COMMD10: variants seen among roughly 807,000 people sequenced by gnomAD.
The protein encoded by COMMD10 is COMM domain containing 10.
Under a neutral mutation model 28.9 loss-of-function variants are expected in COMMD10, and 33 were observed. That is an observed-to-expected ratio of 1.14 (90% CI 0.87 to 1.53). The LOEUF (loss-of-function observed/expected upper bound fraction) is 1.53. COMMD10 is among the 40% of genes most tolerant of loss of function. The pLI is 0.00. For synonymous variants in COMMD10, 110 were observed against 81.7 expected (o/e 1.35, Z -1.87); for missense variants, 310 against 233.4 (o/e 1.33, Z -2.14).
rs187610106 is a variant in COMMD10, at chr5:116,203,717, C to T, written c.510+69539C>T. On this transcript the variant is annotated intron_variant, in intron 5 of 6. Coordinates refer to ENST00000274458, the MANE Select transcript of COMMD10 (RefSeq NM_016144.4). ...AGAGATTTTGTCACCACCAGGCCTG[C>T]CCTAAAAGAGCTCCTGAAGGAAGCA... Among the ~76,000 whole-genome samples, 1,122 of 152,020 alleles carry T rather than the reference C, an allele frequency of 7.4e-3. 18 individuals are homozygous for T. The highest frequency in any genetic ancestry group is 0.026 in the African/African-American group (1,082 of 41,452).
At chr5:116,183,457 T>C (rs926747090) in intron 5 of COMMD10, among the ~76,000 whole-genome samples, 1 of 152,168 alleles carries the variant, frequency 6.6e-6, no homozygotes, top group East Asian at 1.9e-4. Context: ...ATTTTAAACA[T>C]ATTTTTCAGG....
intron 5 of COMMD10, among the ~76,000 whole-genome samples, chr5:116,237,838 TATC>T (rs1242407609): frequency 1.3e-5 from 2 of 152,162 alleles, no homozygotes; most frequent in African/African-American, 4.8e-5. Flanking sequence ...TCTGTACTAA[TATC>T]ATCAACTCCT....
rs150866297 is a variant in COMMD10 at position 116,187,729 on chromosome 5, T to C, written c.510+53551T>C. Among the ~76,000 whole-genome samples the C allele has an allele frequency of 5.3e-5, 8 of 152,218 alleles. 1 individual carries two copies. Among genetic ancestry groups the C allele is most frequent in the African/African-American group, 1.9e-4 (8 of 41,574 alleles). On this transcript the variant is annotated intron_variant, in intron 5 of 6. Transcript: ENST00000274458. ...GTTTAACTGAGTTGAGAAAGCATAG[T>C]ATGGTAATTAAATTCTTTTTTTAAC...
At chr5:116,225,383 A>C (rs527744346) in intron 5 of COMMD10, among the ~76,000 whole-genome samples, 1 of 128,722 alleles carries the variant, frequency 7.8e-6, no homozygotes, top group Non-Finnish European at 1.6e-5. Flanking sequence ...CATATGTAGA[A>C]ATTTCTGGTT....
At chr5:116,181,486 A>G (rs781207689) in intron 5 of COMMD10, among the ~76,000 whole-genome samples, 10 of 150,968 alleles carry the variant, frequency 6.6e-5, no homozygotes, top group Non-Finnish European at 1.2e-4. Flanking sequence ...AAACCTATCT[A>G]CATTATTGCT....
intron 4 of COMMD10, among the ~76,000 whole-genome samples, chr5:116,121,928 A>G (rs1398949207): frequency 6.6e-6 from 1 of 152,150 alleles, no homozygotes; most frequent in Non-Finnish European, 1.5e-5. Context: ...CCCATTCTGT[A>G]GGTTGCCTGT....
At chr5:116,147,770 A>G (rs1421826439) in intron 5 of COMMD10, among the ~76,000 whole-genome samples, 1 of 151,944 alleles carries the variant, frequency 6.6e-6, no homozygotes, top group Non-Finnish European at 1.5e-5. Flanking sequence ...AAATTACACA[A>G]GTAATTTACA....
chr5:116,236,475 G>GC (rs1335455814), intron 5 of COMMD10, among the ~76,000 whole-genome samples: 1 of 138,590 alleles, frequency 7.2e-6, no homozygotes, highest in Non-Finnish European at 1.5e-5. Flanking sequence ...CTGCACTCTA[G>GC]CCTGGGTGAC....
At chr5:116,116,977 T>G (rs1751261096) in intron 4 of COMMD10, among the ~76,000 whole-genome samples, 1 of 152,228 alleles carries the variant, frequency 6.6e-6, no homozygotes, top group Admixed American at 6.5e-5. Context: ...TCATCCTCAC[T>G]TTTTTATTTC....
At chr5:116,162,997 C>G (rs568372042) in intron 5 of COMMD10, among the ~76,000 whole-genome samples, 84 of 152,180 alleles carry the variant, frequency 5.5e-4, no homozygotes, top group Non-Finnish European at 8.4e-4. Flanking sequence ...TTATACTCCT[C>G]TCTCAGTTTC....
In COMMD10 at chr5:116,232,971, G is replaced by A. The variant is rs372997107; in HGVS notation, c.511-58546G>A. ...AATTCTATGCTCTTACCCTTAAAAG[G>A]ATTCGTCAATTCCGGCTAAATGGTG... On this transcript the variant is annotated intron_variant, in intron 5 of 6. Transcript: ENST00000274458. Among the ~76,000 whole-genome samples, 649 of 152,256 alleles carry A rather than the reference G, an allele frequency of 4.3e-3. 7 individuals are homozygous for A. The highest frequency in any genetic ancestry group is 0.015 in the African/African-American group (617 of 41,548).
At chr5:116,208,110 T>C (rs1748865383) in intron 5 of COMMD10, among the ~76,000 whole-genome samples, 3 of 152,220 alleles carry the variant, frequency 2.0e-5, no homozygotes, top group Middle Eastern at 3.4e-3. Flanking sequence ...TCCTTCTTGC[T>C]GAAATAAATA....
At chr5:116,118,439 G>C (rs982073977) in intron 4 of COMMD10, among the ~76,000 whole-genome samples, 1 of 145,216 alleles carries the variant, frequency 6.9e-6, no homozygotes, top group African/African-American at 2.4e-5. Flanking sequence ...ATGAATGCAT[G>C]TGCAATATTC....
At chr5:116,094,554 CT>C (rs1286134595) in intron 4 of COMMD10, among the ~76,000 whole-genome samples, 1 of 152,110 alleles carries the variant, frequency 6.6e-6, no homozygotes, top group East Asian at 1.9e-4. Flanking sequence ...AAAGGGAACT[CT>C]CATATGCTTT....
chr5:116,154,355 TA>T (rs2112557365), intron 5 of COMMD10, among the ~76,000 whole-genome samples: 1 of 152,298 alleles, frequency 6.6e-6, no homozygotes, highest in Admixed American at 6.5e-5. Context: ...CTGGGTAGTT[TA>T]TTGTTAGTGA....
At chr5:116,127,125 A>G (rs1197588125) in intron 4 of COMMD10, among the ~76,000 whole-genome samples, 1 of 152,236 alleles carries the variant, frequency 6.6e-6, no homozygotes, top group African/African-American at 2.4e-5. Flanking sequence ...GGATATGAAC[A>G]GACACTTCTC....
At chr5:116,240,961 C>G (rs1749792619) in intron 5 of COMMD10, among the ~76,000 whole-genome samples, 1 of 152,102 alleles carries the variant, frequency 6.6e-6, no homozygotes, top group Admixed American at 6.6e-5. Flanking sequence ...TGAGGTAGAT[C>G]CATTTTTTGT....
chr5:116,101,649 A>G (rs1326458772), intron 4 of COMMD10, among the ~76,000 whole-genome samples: 1 of 151,754 alleles, frequency 6.6e-6, no homozygotes, highest in Non-Finnish European at 1.5e-5. Context: ...CTGGTCTCGA[A>G]CTCCTGACCT....
At chr5:116,169,553 C>T (rs1036004595) in intron 5 of COMMD10, among the ~76,000 whole-genome samples, 2 of 152,120 alleles carry the variant, frequency 1.3e-5, no homozygotes, top group Non-Finnish European at 2.9e-5. Flanking sequence ...AAATGTCAGG[C>T]CAACATCCCT....
Sources: gnomAD v4.1 joint callset for allele counts (sites outside exome capture counted in the v4.1 genomes callset) on GRCh38, gnomAD v4.1.1 for gene constraint, MANE v1.5 for transcripts, NCBI Gene and HGNC (gene_info 2026-07-23, HGNC 2026-07-21) for gene names.